NUDCD3: variants seen among roughly 807,000 people sequenced by gnomAD.
NUDCD3 encodes nudC domain-containing protein 3.
NUDCD3 carries 13 observed loss-of-function variants against 39.7 expected under a neutral mutation model. The ratio of observed to expected loss-of-function variants is 0.33; its 90% CI spans 0.21 to 0.52. The LOEUF (loss-of-function observed/expected upper bound fraction) is 0.52, where lower values mean the gene tolerates loss of function less well. Among genes scored for constraint, NUDCD3 ranks in the 20% least tolerant of loss-of-function variants. The pLI is 0.96. For missense variants in NUDCD3, 453 were observed against 458.1 expected (o/e 0.99, Z 0.10); for synonymous variants, 175 against 172.4 (o/e 1.02, Z -0.12).
rs2116848671 is a variant in NUDCD3, at chr7:44,382,081, G to T, written c.*3930C>A. On this transcript the variant is annotated 3_prime_UTR_variant, in exon 6 of 6. Coordinates refer to ENST00000355451, the MANE Select transcript of NUDCD3 (RefSeq NM_015332.4). Reference sequence around the variant, plus strand: ...ATTTGGTGTGGAGGAATGGGTGGTGGGATTGAAAACCCCTACCAGACCCCT... The same window carrying T: ...ATTTGGTGTGGAGGAATGGGTGGTGTGATTGAAAACCCCTACCAGACCCCT... 6.6e-6 allele frequency: 1 copy of T among 152,168 alleles called. No individual in the cohort carries two copies. The highest frequency in any genetic ancestry group is 2.4e-5 in the African/African-American group (1 of 41,478). 9.4% of individuals were successfully genotyped at this position (152,168 alleles called of 1,614,324 possible). A position where few individuals can be genotyped will look rare whatever the true frequency, so the allele number is the denominator to read the frequency against.
At chr7:44,442,938 G>A (rs552152534) in intron 2 of NUDCD3, among the ~76,000 whole-genome samples, 1 of 152,060 alleles carries the variant, frequency 6.6e-6, no homozygotes, top group African/African-American at 2.4e-5. Context: ...TCCTGACCTC[G>A]TGATCCACCC....
intron 2 of NUDCD3, among the ~76,000 whole-genome samples, chr7:44,454,270 C>T (rs1213596073): frequency 7.2e-5 from 11 of 152,058 alleles, no homozygotes; most frequent in Non-Finnish European, 1.2e-4. Context: ...ACCCGTGAGG[C>T]GGAGCTTGCA....
At chr7:44,420,392 G>C (rs1439866089) in intron 3 of NUDCD3, among the ~76,000 whole-genome samples, 1 of 152,192 alleles carries the variant, frequency 6.6e-6, no homozygotes, top group South Asian at 2.1e-4. Context: ...CCCTGAAAGT[G>C]ACAGGAGAAT....
intron 3 of NUDCD3, among the ~76,000 whole-genome samples, chr7:44,426,563 G>A (rs1192992028): frequency 8.5e-5 from 13 of 152,236 alleles, no homozygotes; most frequent in Admixed American, 5.2e-4. Flanking sequence ...TTGGGAGGCC[G>A]AGGCGGGCGG....
chr7:44,397,435 T>C (rs1266698814), intron 4 of NUDCD3, among the ~76,000 whole-genome samples: 6 of 152,262 alleles, frequency 3.9e-5, no homozygotes, highest in Non-Finnish European at 8.8e-5. Context: ...CCCCTACCAG[T>C]AGCACAGAAG....
At chr7:44,471,077 G>A (rs1011371000) in intron 2 of NUDCD3, among the ~76,000 whole-genome samples, 10 of 152,178 alleles carry the variant, frequency 6.6e-5, no homozygotes, top group African/African-American at 2.2e-4. Flanking sequence ...CAAAGTTCCT[G>A]CCTTGCATGG....
At chr7:44,409,276 A>T (rs976741719) in intron 3 of NUDCD3, among the ~76,000 whole-genome samples, 1 of 152,202 alleles carries the variant, frequency 6.6e-6, no homozygotes, top group Non-Finnish European at 1.5e-5. Context: ...CCAAGCAATG[A>T]AGGTATGCTC....
At chr7:44,389,656 T>C (rs986092264) in intron 5 of NUDCD3, among the ~76,000 whole-genome samples, 1 of 152,186 alleles carries the variant, frequency 6.6e-6, no homozygotes, top group Non-Finnish European at 1.5e-5. Flanking sequence ...TTAAAATGGC[T>C]GGAATCCTAG....
intron 4 of NUDCD3, among the ~76,000 whole-genome samples, chr7:44,396,682 G>A (rs942870996): frequency 6.6e-6 from 1 of 152,060 alleles, no homozygotes; most frequent in African/African-American, 2.4e-5. Context: ...CTGGTTTAAT[G>A]TGTAAATGTT....
At chr7:44,487,369 T>A (rs146333468) in intron 1 of NUDCD3, among the ~76,000 whole-genome samples, 16 of 151,908 alleles carry the variant, frequency 1.1e-4, no homozygotes, top group Non-Finnish European at 1.6e-4. Flanking sequence ...CTTCTCTGCC[T>A]ATATTCAGCA....
intron 1 of NUDCD3, among the ~76,000 whole-genome samples, chr7:44,489,184 T>C (rs776882862): frequency 1.8e-4 from 28 of 152,246 alleles, no homozygotes; most frequent in Admixed American, 8.5e-4. Context: ...TTGAAACTTA[T>C]CTGTTTCACA....
chr7:44,470,302 T>G (rs1585101572), intron 2 of NUDCD3, among the ~76,000 whole-genome samples: 2 of 152,172 alleles, frequency 1.3e-5, no homozygotes, highest in African/African-American at 4.8e-5. Context: ...ACCCTCACTC[T>G]TCAGAATCCC....
intron 5 of NUDCD3, 69 bp from the exon 6 acceptor site, chr7:44,386,190 C>CT: frequency 6.5e-7 from 1 of 1,539,064 alleles, no homozygotes; most frequent in South Asian, 1.2e-5. Flanking sequence ...AGAGCAGACT[C>CT]TGACTGCAGG....
chr7:44,450,100 A>G (rs917053573), intron 2 of NUDCD3, among the ~76,000 whole-genome samples: 2 of 152,220 alleles, frequency 1.3e-5, no homozygotes, highest in African/African-American at 4.8e-5. Context: ...GAAAATATAA[A>G]GGGCAACATT....
In NUDCD3 at chr7:44,379,843, T is replaced by C. The variant is rs1397050680; in HGVS notation, c.*6168A>G. The C allele has an allele frequency of 1.3e-5, 2 of 151,876 alleles. No individual in the cohort carries two copies. Among genetic ancestry groups the C allele is most frequent in the Non-Finnish European group, 2.9e-5 (2 of 68,296 alleles). The allele number at this position is 151,876 out of a possible 1,614,324, so 9.4% of individuals were successfully genotyped here. A position where few individuals can be genotyped will look rare whatever the true frequency, so the allele number is the denominator to read the frequency against. ...ACAGCACATCGCAGGGCCCTGAGGA[T>C]GACGTGTATTTGAGGGGGCAGGGTT... On this transcript the variant is annotated 3_prime_UTR_variant, in exon 6 of 6. Transcript: ENST00000355451.
chr7:44,472,854 C>T (rs1340848268), intron 2 of NUDCD3, among the ~76,000 whole-genome samples: 1 of 152,198 alleles, frequency 6.6e-6, no homozygotes, highest in Non-Finnish European at 1.5e-5. Flanking sequence ...TACTCTGAGA[C>T]AACCTAGCAA....
chr7:44,389,542 G>T (rs1221401943), intron 5 of NUDCD3, among the ~76,000 whole-genome samples: 1 of 152,162 alleles, frequency 6.6e-6, no homozygotes, highest in Non-Finnish European at 1.5e-5. Flanking sequence ...AAATAAGGAG[G>T]CCTTAGGCCT....
chr7:44,444,146 C>T (rs1238221379), intron 2 of NUDCD3, among the ~76,000 whole-genome samples: 3 of 152,104 alleles, frequency 2.0e-5, no homozygotes, highest in African/African-American at 4.8e-5. Context: ...AGGCTCAGGC[C>T]AGTGCAAGGA....
intron 4 of NUDCD3, among the ~76,000 whole-genome samples, chr7:44,398,171 C>T (rs999288127): frequency 1.3e-5 from 2 of 152,204 alleles, no homozygotes; most frequent in African/African-American, 4.8e-5. Context: ...ATCTGTCCCA[C>T]GAAGGCTGGG....
Sources: allele counts gnomAD v4.1 joint callset (sites outside exome capture counted in the v4.1 genomes callset), GRCh38; gene constraint gnomAD v4.1.1; transcripts MANE v1.5; gene names NCBI Gene and HGNC (gene_info 2026-07-23, HGNC 2026-07-21).